Variants in ELMO1 observed in about 807,000 individuals in gnomAD.
The protein encoded by ELMO1 is engulfment and cell motility 1, also known as engulfment and cell motility protein 1.
A neutral mutation model predicts 98.9 loss-of-function variants in ELMO1; 26 were observed. That is an observed-to-expected ratio of 0.26 (90% CI 0.19 to 0.36). ELMO1 has a LOEUF of 0.36. Among genes scored for constraint, ELMO1 ranks in the 10% least tolerant of loss-of-function variants. ELMO1 has a pLI of 1.00. For missense variants in ELMO1, 627 were observed against 935.2 expected (o/e 0.67, Z 4.30); for synonymous variants, 346 against 346.0 (o/e 1.00, Z 0.00).
At chr7:37,050,779 A>C (rs1197488096) in intron 15 of ELMO1, among the ~76,000 whole-genome samples, 1 of 151,638 alleles carries the variant, frequency 6.6e-6, no homozygotes, top group Admixed American at 6.6e-5. Context: ...CAAAAAAAAA[A>C]ACCCTATTTG....
rs1016207919 is a variant in ELMO1, at chr7:36,854,261, G to C, written c.*1290C>G. 1.3e-5 allele frequency: 2 copies of C among 152,086 alleles called. No individual in the cohort carries two copies. The highest frequency in any genetic ancestry group is 4.8e-5 in the African/African-American group (2 of 41,404). The allele number at this position is 152,086 out of a possible 1,614,324, so 9.4% of individuals were successfully genotyped here. A position where few individuals can be genotyped will look rare whatever the true frequency, so the allele number is the denominator to read the frequency against. On this transcript the variant is annotated 3_prime_UTR_variant, in exon 22 of 22. Transcript: ENST00000310758. ...CATCACCCAATTCAGCAGGTCTAGGGTGGAGCTGAAGAGCTGGCATCTCCA... is the reference window on the plus strand; with the variant it reads ...CATCACCCAATTCAGCAGGTCTAGGCTGGAGCTGAAGAGCTGGCATCTCCA...
chr7:37,338,388 G>C (rs1350237947), intron 2 of ELMO1, among the ~76,000 whole-genome samples: 1 of 152,146 alleles, frequency 6.6e-6, no homozygotes, highest in African/African-American at 2.4e-5. Context: ...CCTTTTGCCT[G>C]TGGGGAAACA....
In ELMO1 at chr7:36,975,612, C is replaced by T. The variant is rs531135316; in HGVS notation, c.1437+37687G>A. On this transcript the variant is annotated intron_variant, in intron 16 of 21. Transcript: ENST00000310758. ...CTATAATCCCAGCACTTTGGGAGGC[C>T]GAGGCGGGTGGATCACCTGAGGTTA... 5.9e-5 allele frequency among the ~76,000 whole-genome samples: 9 copies of T among 152,052 alleles called. 1 individual carries two copies. The highest frequency in any genetic ancestry group is 1.7e-4 in the African/African-American group (7 of 41,506).
chr7:37,106,040 C>T (rs926730956), intron 14 of ELMO1, among the ~76,000 whole-genome samples: 15 of 151,984 alleles, frequency 9.9e-5, no homozygotes, highest in Non-Finnish European at 5.9e-5. Context: ...CACTTCATCT[C>T]GATTAACAAA....
chr7:37,263,516 G>T (rs1314560077), intron 5 of ELMO1, among the ~76,000 whole-genome samples: 1 of 152,142 alleles, frequency 6.6e-6, no homozygotes, highest in Non-Finnish European at 1.5e-5. Flanking sequence ...ATCAAATATT[G>T]ATGTTTCATA....
chr7:37,060,432 T>C (rs1263499723), intron 15 of ELMO1, among the ~76,000 whole-genome samples: 2 of 152,138 alleles, frequency 1.3e-5, no homozygotes, highest in East Asian at 3.9e-4. Flanking sequence ...CTGCATATTC[T>C]CACTTATAAG....
chr7:37,171,149 G>A (rs977964649), intron 13 of ELMO1, among the ~76,000 whole-genome samples: 1 of 152,026 alleles, frequency 6.6e-6, no homozygotes, highest in African/African-American at 2.4e-5. Flanking sequence ...TTTTTTATAT[G>A]TTTATAAGAC....
Position 36,866,247 on chromosome 7 carries a change from C to G in ELMO1, c.1905+4146G>C, listed in dbSNP as rs530460051. ...AATCCTTAATCCTTGCAAATCAAAA[C>G]CTTCCAACTGAATTTCCATCTACTC... On this transcript the variant is annotated intron_variant, in intron 20 of 21. Coordinates refer to ENST00000310758, the MANE Select transcript of ELMO1 (RefSeq NM_014800.11). Among the ~76,000 whole-genome samples the G allele has an allele frequency of 2.6e-5, 4 of 152,278 alleles. No homozygotes were observed. The South Asian group carries it at 8.3e-4, about 32-fold the overall frequency.
chr7:37,041,238 C>A (rs564168222), intron 15 of ELMO1, among the ~76,000 whole-genome samples: 1 of 152,350 alleles, frequency 6.6e-6, no homozygotes, highest in South Asian at 2.1e-4. Flanking sequence ...CTGACCTTGG[C>A]TGTCCCTATA....
At chr7:37,103,077 G>A (rs532205963) in intron 14 of ELMO1, among the ~76,000 whole-genome samples, 25 of 152,254 alleles carry the variant, frequency 1.6e-4, no homozygotes, top group African/African-American at 5.3e-4. Context: ...AGATTAAATG[G>A]GAAAGCAAAA....
At chr7:37,161,514 G>A (rs1789200008) in intron 13 of ELMO1, among the ~76,000 whole-genome samples, 1 of 152,066 alleles carries the variant, frequency 6.6e-6, no homozygotes, top group Non-Finnish European at 1.5e-5. Flanking sequence ...AGTGAATTCA[G>A]GAACAGACAT....
chr7:37,069,972 A>G (rs1169003761), intron 15 of ELMO1, among the ~76,000 whole-genome samples: 1 of 152,186 alleles, frequency 6.6e-6, no homozygotes, highest in African/African-American at 2.4e-5. Context: ...TGAGAATTTT[A>G]TCAGTTGTCA....
intron 1 of ELMO1, among the ~76,000 whole-genome samples, chr7:37,364,568 T>C (rs570547924): frequency 6.9e-6 from 1 of 144,900 alleles, no homozygotes; most frequent in African/African-American, 2.5e-5. Flanking sequence ...GCTTTAATGC[T>C]TTAATGCTGG....
chr7:37,217,725 T>C (rs761483540), intron 10 of ELMO1: 5 of 456,906 alleles, frequency 1.1e-5, no homozygotes, highest in South Asian at 6.2e-5. Context: ...CAGAGGACAA[T>C]CAAGGATGTC....
chr7:37,151,432 C>T (rs1788352719), intron 13 of ELMO1, among the ~76,000 whole-genome samples: 1 of 152,144 alleles, frequency 6.6e-6, no homozygotes, highest in African/African-American at 2.4e-5. Flanking sequence ...CGGTGGTCCC[C>T]TGTAAATATT....
At chr7:37,183,172 G>A (rs1459930420) in intron 13 of ELMO1, among the ~76,000 whole-genome samples, 2 of 151,492 alleles carry the variant, frequency 1.3e-5, no homozygotes, top group Non-Finnish European at 3.0e-5. Flanking sequence ...AGAAGCTGCT[G>A]AAGAGGAGGA....
chr7:36,914,064 C>G (rs1013256497), intron 16 of ELMO1, among the ~76,000 whole-genome samples: 1 of 152,058 alleles, frequency 6.6e-6, no homozygotes, highest in Admixed American at 6.5e-5. Flanking sequence ...CCAGTGGCAG[C>G]TAGGTACAGG....
intron 16 of ELMO1, among the ~76,000 whole-genome samples, chr7:37,003,136 A>C (rs756644635): frequency 3.3e-5 from 5 of 152,248 alleles, no homozygotes; most frequent in South Asian, 2.1e-4. Flanking sequence ...AAAGGGAAGA[A>C]GGAGGCGGGC....
intron 17 of ELMO1, among the ~76,000 whole-genome samples, chr7:36,893,750 C>T (rs1389704179): frequency 6.6e-6 from 1 of 152,162 alleles, no homozygotes; most frequent in Non-Finnish European, 1.5e-5. Context: ...TTCACCCCTC[C>T]AGACTAGCCT....
Sources: gnomAD v4.1 joint callset for allele counts (sites outside exome capture counted in the v4.1 genomes callset) on GRCh38, gnomAD v4.1.1 for gene constraint, MANE v1.5 for transcripts, NCBI Gene and HGNC (gene_info 2026-07-23, HGNC 2026-07-21) for gene names.